Variants in STARD13 observed in about 807,000 individuals in gnomAD.
STARD13 encodes StAR related lipid transfer domain containing 13, also known as stAR-related lipid transfer protein 13.
A neutral mutation model predicts 106.4 loss-of-function variants in STARD13; 62 were observed. That is an observed-to-expected ratio of 0.58 (90% CI 0.48 to 0.72). STARD13 has a LOEUF of 0.72. STARD13 is among the 30% of genes least tolerant of loss of function. STARD13 has a pLI of 0.00. For missense variants in STARD13, 1,387 were observed against 1,424.0 expected, an observed-to-expected ratio of 0.97 and a Z score of 0.42; for synonymous variants, 565 against 553.0, an observed-to-expected ratio of 1.02 and a Z score of -0.31.
the STARD13 span, among the ~76,000 whole-genome samples, chr13:33,530,867 T>A: frequency 1.1e-4 from 17 of 152,224 alleles, no homozygotes; most frequent in African/African-American, 4.1e-4. Context: ...TTTGGCTACC[T>A]AGTGTTACAG....
the STARD13 span, among the ~76,000 whole-genome samples, chr13:33,578,853 A>G: frequency 9.2e-5 from 14 of 152,058 alleles, no homozygotes; most frequent in Non-Finnish European, 1.6e-4. Flanking sequence ...TGAATAGACA[A>G]TCCTCAAAAG....
At chr13:33,217,176 A>G (rs1178929943) in intron 1 of STARD13, among the ~76,000 whole-genome samples, 1 of 152,164 alleles carries the variant, frequency 6.6e-6, no homozygotes, top group Non-Finnish European at 1.5e-5. Context: ...TGGAGTCAAT[A>G]GGGATCTGGC....
chr13:33,384,638 C>CAT, the STARD13 span, among the ~76,000 whole-genome samples: 3 of 152,142 alleles, frequency 2.0e-5, no homozygotes, highest in African/African-American at 7.2e-5. Flanking sequence ...AATAAGGACT[C>CAT]AAAGTACAGA....
At chr13:33,543,851 A>G in the STARD13 span, among the ~76,000 whole-genome samples, 8 of 152,238 alleles carry the variant, frequency 5.3e-5, no homozygotes, top group Non-Finnish European at 1.2e-4. Context: ...TTGCTTTGTC[A>G]ATAATGCTTT....
the STARD13 span, among the ~76,000 whole-genome samples, chr13:33,399,680 G>A: frequency 3.4e-4 from 34 of 101,204 alleles, no homozygotes; most frequent in African/African-American, 1.3e-3. Context: ...CAGCCTGGGA[G>A]ACAGAGCAAG....
intron 4 of STARD13, among the ~76,000 whole-genome samples, chr13:33,139,219 A>G (rs1879485574): frequency 6.6e-6 from 1 of 152,096 alleles, no homozygotes; most frequent in Admixed American, 6.6e-5. Context: ...GCTCACCCAG[A>G]CTCCAGTTTG....
At chr13:33,436,426 G>C in the STARD13 span, among the ~76,000 whole-genome samples, 1 of 151,966 alleles carries the variant, frequency 6.6e-6, no homozygotes, top group South Asian at 2.1e-4. Flanking sequence ...ATGAAAAGAG[G>C]AATTAAAAAG....
intron 8 of STARD13, chr13:33,117,626 T>C: frequency 6.1e-6 from 6 of 979,736 alleles, no homozygotes; most frequent in Non-Finnish European, 6.1e-6. Context: ...TACTTTGTGC[T>C]AAAATACATT....
the STARD13 span, among the ~76,000 whole-genome samples, chr13:33,370,589 CTTTCT>C: frequency 3.3e-5 from 5 of 149,416 alleles, no homozygotes; most frequent in African/African-American, 1.2e-4. Flanking sequence ...CTTTGACATA[CTTTCT>C]TTTCTTTTCT....
chr13:33,253,170 T>C (rs750990672), intron 1 of STARD13, among the ~76,000 whole-genome samples: 12 of 152,220 alleles, frequency 7.9e-5, no homozygotes, highest in Non-Finnish European at 1.8e-4. Flanking sequence ...GCTAAAAGGA[T>C]AGTTTTTATG....
the STARD13 span, among the ~76,000 whole-genome samples, chr13:33,516,765 T>G: frequency 6.6e-6 from 1 of 151,802 alleles, no homozygotes; most frequent in Non-Finnish European, 1.5e-5. Context: ...TTTGAGGACT[T>G]AGAACCCCTC....
At chr13:33,500,134 C>T in the STARD13 span, among the ~76,000 whole-genome samples, 1 of 152,080 alleles carries the variant, frequency 6.6e-6, no homozygotes, top group Non-Finnish European at 1.5e-5. Flanking sequence ...AAAAGCCCCA[C>T]CTCCAAATAC....
chr13:33,214,302 TA>T (rs1462822296), intron 1 of STARD13, among the ~76,000 whole-genome samples: 1 of 152,162 alleles, frequency 6.6e-6, no homozygotes, highest in African/African-American at 2.4e-5. Context: ...GAAATAAACT[TA>T]AAAACCAAAC....
intron 1 of STARD13, among the ~76,000 whole-genome samples, chr13:33,327,915 C>T (rs991949907): frequency 2.0e-5 from 3 of 152,098 alleles, no homozygotes; most frequent in Non-Finnish European, 2.9e-5. Context: ...TTTTCTTGTG[C>T]GGTTCAAAAG....
chr13:33,393,182 C>T, the STARD13 span, among the ~76,000 whole-genome samples: 9 of 152,142 alleles, frequency 5.9e-5, no homozygotes, highest in Admixed American at 5.9e-4. Flanking sequence ...GCCACTACTG[C>T]ATATTATGAA....
At chr13:33,430,209 G>T in the STARD13 span, among the ~76,000 whole-genome samples, 1 of 152,170 alleles carries the variant, frequency 6.6e-6, no homozygotes, top group Non-Finnish European at 1.5e-5. Flanking sequence ...GAGCCACTGC[G>T]CCTGGCCTTA....
At chr13:33,222,147 C>CAA (rs548408526) in intron 1 of STARD13, among the ~76,000 whole-genome samples, 60 of 144,988 alleles carry the variant, frequency 4.1e-4, no homozygotes, top group African/African-American at 1.4e-3. Flanking sequence ...GACTCCATCT[C>CAA]AAAAAAAAAA....
At chr13:33,631,164 G>T in the STARD13 span, among the ~76,000 whole-genome samples, 2 of 152,166 alleles carry the variant, frequency 1.3e-5, no homozygotes, top group Non-Finnish European at 2.9e-5. Flanking sequence ...TCACTTGGTA[G>T]CCTCTTTCTT....
At chr13:33,349,784 C>A (rs142191154) in intron 1 of STARD13, among the ~76,000 whole-genome samples, 5 of 152,354 alleles carry the variant, frequency 3.3e-5, no homozygotes, top group East Asian at 3.9e-4. Context: ...CACATCCCCC[C>A]CTCTACCCCC....
Sources: gnomAD v4.1 joint callset for allele counts (sites outside exome capture counted in the v4.1 genomes callset) on GRCh38, gnomAD v4.1.1 for gene constraint, MANE v1.5 for transcripts, NCBI Gene and HGNC (gene_info 2026-07-23, HGNC 2026-07-21) for gene names.